Variants in PLD4 observed in about 807,000 individuals in gnomAD.
The protein encoded by PLD4 is phospholipase D family member 4, also known as 5'-3' exonuclease PLD4.
Under a neutral mutation model 52.3 loss-of-function variants are expected in PLD4, and 54 were observed. That is an observed-to-expected ratio of 1.03 (90% CI 0.83 to 1.30). The LOEUF (loss-of-function observed/expected upper bound fraction) is 1.30, where lower values mean the gene tolerates loss of function less well. Ranked by LOEUF, PLD4 falls within the 50% of genes most tolerant of loss-of-function variation. The pLI, the probability that PLD4 is intolerant of heterozygous loss-of-function variation, is 0.00. For synonymous variants in PLD4, 264 were observed against 286.5 expected (o/e 0.92, Z 0.79); for missense variants, 731 against 671.1 (o/e 1.09, Z -0.99).
chr14:104,928,192 C>G (rs1462225329), intron 3 of PLD4, among the ~76,000 whole-genome samples: 1 of 152,144 alleles, frequency 6.6e-6, no homozygotes, highest in African/African-American at 2.4e-5. Flanking sequence ...TCATCCTTCC[C>G]TCCCACCCTT....
chr14:104,931,926 C>T (rs780554033), intron 8 of PLD4, 39 bp downstream of exon 8: 5 of 1,523,660 alleles, frequency 3.3e-6, no homozygotes, highest in Middle Eastern at 1.8e-4. Flanking sequence ...GCTCTGCTGA[C>T]GGGCAGCTCC....
In PLD4 at chr14:104,928,860, C is replaced by A; in HGVS notation, c.396C>A (p.Ser132Arg). 1.2e-6 allele frequency: 2 copies of A among 1,612,372 alleles called. No homozygotes were observed. The highest frequency in any genetic ancestry group is 1.7e-6 in the Non-Finnish European group (2 of 1,179,436). The stretch of plus-strand genomic sequence containing the variant: ...AGCTGCTGGACACTGCCCAGGAGAG[C>A]GTCCACGTGGCTTCATACTACTGGT... ...WLQLLDTAQE[S>R]VHVASYYWSL... Residue 132 changes from serine to arginine, a missense_variant, in exon 4 of 11, where the codon AGC (serine) becomes AGA (arginine). By Grantham distance (110) the Ser-to-Arg change is moderately radical. Transcript: ENST00000392593.
chr14:104,928,147 C>T (rs1566887979), intron 3 of PLD4, among the ~76,000 whole-genome samples: 1 of 152,084 alleles, frequency 6.6e-6, no homozygotes, highest in African/African-American at 2.4e-5. Context: ...AGTCCTTCCA[C>T]CCCTGGGGGT....
At chr14:104,929,935 T>C (rs1336035173) in intron 5 of PLD4, 43 bp from the exon 6 acceptor site, 1 of 1,609,018 alleles carries the variant, frequency 6.2e-7, no homozygotes. Flanking sequence ...AAGCTAGCAC[T>C]TAGCAAGACC....
In PLD4 at chr14:104,932,384, G is replaced by T. The variant is rs201829212; in HGVS notation, c.1321+29G>T. 389 of 1,607,826 alleles carry T rather than the reference G, an allele frequency of 2.4e-4. 2 individuals are homozygous for T. In the Middle Eastern group the frequency reaches 3.2e-3, roughly 13 times the overall value. On this transcript the variant is annotated intron_variant, in intron 10 of 10. Coordinates refer to ENST00000392593, the MANE Select transcript of PLD4 (RefSeq NM_138790.5). This position sits in a 1 kb window ranked among gnomAD's most constrained non-coding sequence, Gnocchi z 6.5. ...AGCGCGATCAGATCACGGCGGGCGG[G>T]CCCCAGGGTGGCCAGGCACGGGCGA...
Position 104,928,910 on chromosome 14 carries a change from T to C in PLD4, c.446T>C (p.Val149Ala). The change falls in exon 4 of 11, where the codon GTC becomes GCC. Residue 149 changes from valine to alanine, a missense_variant. Val to Ala is a moderately conservative substitution (Grantham distance 64, BLOSUM62 0). Transcript: ENST00000392593. ...YWSLTGPDIG[V>A]NDSSSQLGEA... is the part of the protein sequence containing the mutation. Reference sequence around the variant, plus strand: ...TCCCTCACAGGGCCTGACATCGGGGTCAACGACTCGTCTTCCCAGCTGGTG... The same window carrying C: ...TCCCTCACAGGGCCTGACATCGGGGCCAACGACTCGTCTTCCCAGCTGGTG... 1.2e-6 allele frequency: 2 copies of C among 1,603,072 alleles called. No homozygotes were observed. The highest frequency in any genetic ancestry group is 1.7e-6 in the Non-Finnish European group (2 of 1,172,090).
Position 104,932,500 on chromosome 14 carries a change from C to T in PLD4, c.1321+145C>T, listed in dbSNP as rs1328359847. 1 of 965,934 alleles carries T rather than the reference C, an allele frequency of 1.0e-6. No homozygotes were observed. The highest frequency in any genetic ancestry group is 1.5e-6 in the Non-Finnish European group (1 of 656,350). The allele number at this position is 965,934 out of a possible 1,614,324, so 59.8% of individuals were successfully genotyped here. On this transcript the variant is annotated intron_variant, in intron 10 of 10. Transcript: ENST00000392593. This position sits in a 1 kb window ranked among gnomAD's most constrained non-coding sequence, Gnocchi z 6.5. ...CGGGGTCTCCATGGAGTTCCGGGGACCAGGCCACCCGCCTGTCACCTGGCC... is the reference window on the plus strand; with the variant it reads ...CGGGGTCTCCATGGAGTTCCGGGGATCAGGCCACCCGCCTGTCACCTGGCC...
rs1286190953 is a variant in PLD4, at chr14:104,932,134, T to C, written c.1181T>C (p.Leu394Pro). The C allele has an allele frequency of 8.1e-6, 13 of 1,611,256 alleles. No individual in the cohort carries two copies. The highest frequency in any genetic ancestry group is 9.3e-6 in the Non-Finnish European group (11 of 1,179,260). The stretch of plus-strand genomic sequence containing the variant: ...ACCATGTTCCCCTACCTGCGGTCCC[T>C]GCAGGCGCTCAGCAACCCCGCGGCC... ...DPTMFPYLRS[L>P]QALSNPAANV... Residue 394 changes from leucine (L) to proline (P), a missense_variant, in exon 9 of 11, where the codon CTG becomes CCG. Coordinates refer to ENST00000392593, the MANE Select transcript of PLD4 (RefSeq NM_138790.5). This position sits in a 1 kb window ranked among gnomAD's most constrained non-coding sequence, Gnocchi z 6.5.
chr14:104,925,552 G>T (rs1449106890), intron 1 of PLD4, among the ~76,000 whole-genome samples: 1 of 152,016 alleles, frequency 6.6e-6, no homozygotes, highest in African/African-American at 2.4e-5. Flanking sequence ...TCTGGTGAGG[G>T]CAGGGAGTGT....
At position 104,927,239 on chromosome 14, in the gene PLD4, G is replaced by A; in HGVS notation, c.90+9G>A. ...ACAGAGAGGCTGGCACGGTAGGACT[G>A]GGGGGCCCCAGGGGGGAGGTGGCTG... On this transcript the variant is annotated intron_variant, in intron 2 of 10. Transcript: ENST00000392593. 2 of 1,533,740 alleles carry A rather than the reference G, an allele frequency of 1.3e-6. No homozygotes were observed. The highest frequency in any genetic ancestry group is 1.8e-6 in the Non-Finnish European group (2 of 1,138,516).
chr14:104,926,859 G>A (rs537496881), intron 1 of PLD4, among the ~76,000 whole-genome samples: 12 of 152,334 alleles, frequency 7.9e-5, no homozygotes, highest in Admixed American at 5.2e-4. Flanking sequence ...CTTGGCCCAG[G>A]CTCAGCCCTG....
chr14:104,928,014 T>A, intron 3 of PLD4, 148 bp downstream of exon 3: 2 of 930,524 alleles, frequency 2.1e-6, no homozygotes, highest in East Asian at 5.5e-5. Context: ...GCCACGACCA[T>A]ATGAGCTGGA....
At chr14:104,925,504 C>T (rs1027609518) in intron 1 of PLD4, among the ~76,000 whole-genome samples, 2 of 152,164 alleles carry the variant, frequency 1.3e-5, no homozygotes, top group Non-Finnish European at 2.9e-5. Flanking sequence ...CTCTGAGCTG[C>T]CCGTCTGCCT....
In PLD4 at chr14:104,929,450, G is replaced by A. The variant is rs1223076562; in HGVS notation, c.589+23G>A. ...GAGGTGGGTACCTGCACCATGCTGG[G>A]CACCACTGCCCTAGCGTCGGGCATG... On this transcript the variant is annotated intron_variant, in intron 5 of 10. Transcript: ENST00000392593. The A allele has an allele frequency of 2.6e-6, 4 of 1,536,802 alleles. No individual in the cohort carries two copies. In the South Asian group the frequency reaches 4.9e-5, roughly 19 times the overall value.
At chr14:104,927,938 A>G (rs1442092321) in intron 3 of PLD4, 72 bp downstream of exon 3, 3 of 1,428,426 alleles carry the variant, frequency 2.1e-6, no homozygotes, top group Non-Finnish European at 2.8e-6. Context: ...CTGCCCTTGG[A>G]TCTGCCCGTG....
chr14:104,937,672 G>A (rs953174717), downstream of PLD4: 1 of 176,132 alleles, frequency 5.7e-6, no homozygotes, highest in African/African-American at 2.4e-5. Context: ...TACCAAAAAC[G>A]ACTTGTACAC....
chr14:104,929,131 C>A, intron 4 of PLD4, 176 bp from the exon 5 acceptor site: 1 of 1,221,552 alleles, frequency 8.2e-7, no homozygotes, highest in Non-Finnish European at 1.1e-6. Context: ...GGTGACTAAA[C>A]ACTCAGACTG....
At position 104,932,347 on chromosome 14, in the gene PLD4, C is replaced by T. The variant is rs373627327; in HGVS notation, c.1313C>T (p.Ala438Val). The change falls in exon 10 of 11, where the codon GCC becomes GTC. Residue 438 changes from alanine to valine, a missense_variant. Ala to Val is a moderately conservative substitution (Grantham distance 64). Coordinates refer to ENST00000392593, the MANE Select transcript of PLD4 (RefSeq NM_138790.5). The surrounding 1 kb of genome is among the most constrained non-coding windows in gnomAD (Gnocchi z 6.5). ...AAGTTCATGGTCACGGAGAAGGCAG[C>T]CTACATAGGTGAGCGCGATCAGATC... ...HSKFMVTEKA[A>V]YIGTSNWSED... The T allele has an allele frequency of 1.2e-6, 2 of 1,612,550 alleles. No individual in the cohort carries two copies. Among genetic ancestry groups the T allele is most frequent in the South Asian group, 2.2e-5 (2 of 91,072 alleles).
At chr14:104,929,559 G>A in intron 5 of PLD4, 132 bp downstream of exon 5, 17 of 1,358,122 alleles carry the variant, frequency 1.3e-5, no homozygotes, top group Non-Finnish European at 1.6e-5. Context: ...ACCCCAGGAG[G>A]GCAGGACCCA....
Sources: allele counts gnomAD v4.1 joint callset (sites outside exome capture counted in the v4.1 genomes callset), GRCh38; gene constraint gnomAD v4.1.1; non-coding constraint Gnocchi (gnomAD v3.1); transcripts MANE v1.5; gene names NCBI Gene and HGNC (gene_info 2026-07-23, HGNC 2026-07-21).